The following HORMAD2 variants were observed in gnomAD, a reference collection of about 807,000 sequenced individuals.
HORMAD2 encodes HORMA domain-containing protein 2.
A neutral mutation model predicts 38.8 loss-of-function variants in HORMAD2; 45 were observed. The observed-to-expected ratio is 1.16, with a 90% confidence interval of 0.91 to 1.49. The LOEUF (loss-of-function observed/expected upper bound fraction) is 1.49, where lower values mean the gene tolerates loss of function less well. Among genes scored for constraint, HORMAD2 ranks in the 40% most tolerant of loss-of-function variants. The pLI, the probability that HORMAD2 is intolerant of heterozygous loss-of-function variation, is 0.00. For missense variants in HORMAD2, 338 were observed against 367.0 expected (o/e 0.92, Z 0.65); for synonymous variants, 126 against 122.8 (o/e 1.03, Z -0.17).
At chr22:30,203,671 C>G in the HORMAD2 span, among the ~76,000 whole-genome samples, 1 of 152,180 alleles carries the variant, frequency 6.6e-6, no homozygotes. Context: ...TAAACACACT[C>G]CTATATGTGA....
chr22:30,187,877 C>T, the HORMAD2 span, among the ~76,000 whole-genome samples: 13 of 150,876 alleles, frequency 8.6e-5, no homozygotes, highest in African/African-American at 3.2e-4. Context: ...TTCTTAGGGG[C>T]AAGGTAGCAG....
At chr22:30,139,284 A>ATG (rs1555950246) in intron 10 of HORMAD2, among the ~76,000 whole-genome samples, 1 of 137,608 alleles carries the variant, frequency 7.3e-6, no homozygotes, top group Non-Finnish European at 1.6e-5. Context: ...ATATATATAT[A>ATG]TATCCTCTGT....
At chr22:30,184,585 T>C in the HORMAD2 span, 3 of 152,158 alleles carry the variant, frequency 2.0e-5, no homozygotes, top group African/African-American at 7.2e-5. Context: ...AAAATAGTTG[T>C]CCTCAGTCAA....
chr22:30,131,180 A>G (rs529448934), intron 10 of HORMAD2, among the ~76,000 whole-genome samples: 6 of 152,340 alleles, frequency 3.9e-5, no homozygotes, highest in East Asian at 1.9e-4. Flanking sequence ...AGGAAAAAGT[A>G]CTTCTTTCTA....
At position 30,176,158 on chromosome 22, in the gene HORMAD2, C is replaced by T. The variant is rs1386747549; in HGVS notation, c.915C>T (p.Asn305=). 6.3e-7 allele frequency: 1 copy of T among 1,597,698 alleles called. No homozygotes were observed. The highest frequency in any genetic ancestry group is 1.1e-5 in the South Asian group (1 of 90,636). Residue 305 remains asparagine, a synonymous_variant, in exon 11 of 11, where the codon AAC becomes AAT. Coordinates refer to ENST00000336726, the MANE Select transcript of HORMAD2 (RefSeq NM_152510.4). ...AACCAGTGAAGGTCTTCATCCCTAACAGAAAATGAAAGCTAAATATTCCTT... is the reference window on the plus strand; with the variant it reads ...AACCAGTGAAGGTCTTCATCCCTAATAGAAAATGAAAGCTAAATATTCCTT... ...VSEPVKVFIP[N]RK
chr22:30,081,195 G>C (rs1461466541), intron 1 of HORMAD2: 1 of 152,178 alleles, frequency 6.6e-6, no homozygotes, highest in Non-Finnish European at 1.5e-5. Context: ...GCCCCTAAAG[G>C]GGTTTTTAAT....
chr22:30,186,598 C>T, the HORMAD2 span, among the ~76,000 whole-genome samples: 1 of 152,026 alleles, frequency 6.6e-6, no homozygotes, highest in Admixed American at 6.5e-5. Flanking sequence ...ACTAATTCTG[C>T]CTCATCATTA....
chr22:30,091,333 T>C (rs1020978837), intron 1 of HORMAD2, among the ~76,000 whole-genome samples: 4 of 149,032 alleles, frequency 2.7e-5, no homozygotes, highest in Non-Finnish European at 5.9e-5. Context: ...GGTGCAATCA[T>C]GGCTCACTGC....
At chr22:30,200,731 G>GTAT in the HORMAD2 span, among the ~76,000 whole-genome samples, 77,153 of 141,262 alleles carry the variant, frequency 0.55, 22,221 homozygotes, top group Middle Eastern at 0.68. Flanking sequence ...CAACAGAAAT[G>GTAT]TATTATTATT....
chr22:30,199,605 T>C, the HORMAD2 span, among the ~76,000 whole-genome samples: 1 of 152,204 alleles, frequency 6.6e-6, no homozygotes, highest in African/African-American at 2.4e-5. Flanking sequence ...TTTATGGTGT[T>C]TTTCTGTTTT....
the HORMAD2 span, among the ~76,000 whole-genome samples, chr22:30,188,949 A>G: frequency 6.6e-6 from 1 of 152,072 alleles, no homozygotes; most frequent in Non-Finnish European, 1.5e-5. Context: ...CAGCCTGGGC[A>G]ACATGGTGAA....
the HORMAD2 span, among the ~76,000 whole-genome samples, chr22:30,192,781 T>C: frequency 2.6e-5 from 4 of 152,286 alleles, no homozygotes; most frequent in African/African-American, 7.2e-5. Context: ...GTATCTGACA[T>C]AGGCTCTGTG....
At chr22:30,117,002 T>C (rs2146119808) in intron 7 of HORMAD2, among the ~76,000 whole-genome samples, 1 of 152,348 alleles carries the variant, frequency 6.6e-6, no homozygotes, top group Admixed American at 6.5e-5. Context: ...CTGTCTCTCC[T>C]ATTGTATTTA....
the HORMAD2 span, among the ~76,000 whole-genome samples, chr22:30,190,766 C>A: frequency 1.3e-5 from 2 of 152,210 alleles, no homozygotes; most frequent in Non-Finnish European, 2.9e-5. Context: ...AGCTGTAGCA[C>A]TGCAATTTCC....
chr22:30,110,266 A>G (rs1921525931), intron 5 of HORMAD2, among the ~76,000 whole-genome samples: 1 of 152,116 alleles, frequency 6.6e-6, no homozygotes, highest in African/African-American at 2.4e-5. Flanking sequence ...AAAAAATGCT[A>G]GTCTTTCAGA....
intron 10 of HORMAD2, among the ~76,000 whole-genome samples, chr22:30,142,582 C>A (rs1225028749): frequency 6.6e-6 from 1 of 151,968 alleles, no homozygotes; most frequent in Non-Finnish European, 1.5e-5. Flanking sequence ...ATTTTATTGA[C>A]AGGTTGATCC....
chr22:30,091,227 T>C (rs1386081618), intron 1 of HORMAD2, among the ~76,000 whole-genome samples: 2 of 151,808 alleles, frequency 1.3e-5, no homozygotes, highest in African/African-American at 4.8e-5. Context: ...TCTTTCTTTT[T>C]CTCTTTCTCT....
chr22:30,203,462 C>T, the HORMAD2 span, among the ~76,000 whole-genome samples: 7,164 of 151,808 alleles, frequency 0.047, 562 homozygotes, highest in African/African-American at 0.16. Context: ...AAGGAGGTCT[C>T]GAAAAACATC....
intron 10 of HORMAD2, among the ~76,000 whole-genome samples, chr22:30,128,774 G>T (rs1923053131): frequency 6.6e-6 from 1 of 152,190 alleles, no homozygotes; most frequent in Non-Finnish European, 1.5e-5. Context: ...CTCAAGTGCA[G>T]ATATACACGT....
Sources: allele counts gnomAD v4.1 joint callset (sites outside exome capture counted in the v4.1 genomes callset), GRCh38; gene constraint gnomAD v4.1.1; transcripts MANE v1.5; gene names NCBI Gene and HGNC (gene_info 2026-07-23, HGNC 2026-07-21).